Variants in MOXD1 observed in about 807,000 individuals in gnomAD.
MOXD1 encodes the protein DBH-like monooxygenase protein 1.
Under a neutral mutation model 66.6 loss-of-function variants are expected in MOXD1, and 62 were observed. The ratio of observed to expected loss-of-function variants is 0.93; its 90% confidence interval spans 0.76 to 1.15. MOXD1 has a LOEUF of 1.15. Ranked by LOEUF, MOXD1 falls within the 50% of genes most tolerant of loss-of-function variation. MOXD1 has a pLI of 0.00. For synonymous variants in MOXD1, 303 were observed against 281.9 expected (o/e 1.07, Z -0.75); for missense variants, 847 against 754.6 (o/e 1.12, Z -1.44).
At position 132,300,651 on chromosome 6, in the gene MOXD1, A is replaced by G. The variant is rs151185742; in HGVS notation, c.1509-2696T>C. ...AAAAGCTTTGCTGCTATAATAATTT[A>G]CTAAATTGCCTATTATTGAGATTGT... On this transcript the variant is annotated intron_variant, in intron 10 of 11. Coordinates refer to ENST00000367963, the MANE Select transcript of MOXD1 (RefSeq NM_015529.4). 3.0e-3 allele frequency among the ~76,000 whole-genome samples: 451 copies of G among 152,298 alleles called. 1 individual carries two copies. The highest frequency in any genetic ancestry group is 0.01 in the African/African-American group (436 of 41,568).
rs1774467639 is a variant in MOXD1 at position 132,298,843 on chromosome 6, C to A, written c.1509-888G>T. Among the ~76,000 whole-genome samples the A allele has an allele frequency of 2.0e-5, 3 of 152,096 alleles. No homozygotes were observed. In the South Asian group the frequency reaches 6.2e-4, roughly 32 times the overall value. On this transcript the variant is annotated intron_variant, in intron 10 of 11. Transcript: ENST00000367963. Reference sequence around the variant, plus strand: ...TGGTGGGGATGTAAATTAGTTCAGCCAACTGTGGAAGCAGTTTGTAGATTT... The same window carrying A: ...TGGTGGGGATGTAAATTAGTTCAGCAAACTGTGGAAGCAGTTTGTAGATTT...
intron 9 of MOXD1, among the ~76,000 whole-genome samples, chr6:132,318,019 A>C (rs1774995783): frequency 6.6e-6 from 1 of 152,162 alleles, no homozygotes; most frequent in Non-Finnish European, 1.5e-5. Flanking sequence ...ACTCAAGTTA[A>C]TATAGGCAGC....
chr6:132,350,713 A>T (rs1452059711), intron 4 of MOXD1, among the ~76,000 whole-genome samples: 2 of 152,066 alleles, frequency 1.3e-5, no homozygotes, highest in African/African-American at 4.8e-5. Flanking sequence ...ATTGCTTTTG[A>T]CAGTACAGTC....
chr6:132,297,446 A>AAAGGTTT, intron 11 of MOXD1, 129 bp from the exon 12 acceptor site: 2 of 935,650 alleles, frequency 2.1e-6, no homozygotes, highest in South Asian at 3.5e-5. Context: ...GGAGTCACAC[A>AAAGGTTT]CTGGGGGAGT....
chr6:132,339,078 A>G (rs1487955191), intron 4 of MOXD1, among the ~76,000 whole-genome samples: 1 of 152,246 alleles, frequency 6.6e-6, no homozygotes. Flanking sequence ...ATAAATATTA[A>G]TGATATTGCA....
Position 132,386,447 on chromosome 6 carries a change from A to AAC in MOXD1, c.265-11671_265-11670insGT, listed in dbSNP as rs1554238111. Among the ~76,000 whole-genome samples the AAC allele has an allele frequency of 1.6e-3, 203 of 130,338 alleles. 3 individuals are homozygous for AAC. The highest frequency in any genetic ancestry group is 6.5e-3 in the African/African-American group (195 of 30,024). The allele number at this position is 130,338 out of a possible 152,430, so 85.5% of individuals were successfully genotyped here. A position where few individuals can be genotyped will look rare whatever the true frequency, so the allele number is the denominator to read the frequency against. ...ACAAAACAAAACAAAAAAAAAAAAC[A>AAC]AAAAAAAAACGGGAAAAGAGATGAA... On this transcript the variant is annotated intron_variant, in intron 1 of 11. Transcript: ENST00000367963.
chr6:132,349,885 G>A (rs372984414), intron 4 of MOXD1, among the ~76,000 whole-genome samples: 13 of 152,158 alleles, frequency 8.5e-5, no homozygotes, highest in Admixed American at 4.6e-4. Flanking sequence ...GATGTTGAGC[G>A]TTTTTTCAAA....
Position 132,349,483 on chromosome 6 carries a change from A to G in MOXD1, c.664-20889T>C, listed in dbSNP as rs1338682736. ...TATATATACATATATATATATATAC[A>G]TATATATATATACCACAGTTTCTTT... On this transcript the variant is annotated intron_variant, in intron 4 of 11. Transcript: ENST00000367963. 6.3e-4 allele frequency among the ~76,000 whole-genome samples: 14 copies of G among 22,270 alleles called. 2 individuals carry two copies. The highest frequency in any genetic ancestry group is 9.8e-4 in the Non-Finnish European group (11 of 11,196). 14.6% of individuals were successfully genotyped at this position (22,270 alleles called of 152,430 possible).
intron 4 of MOXD1, among the ~76,000 whole-genome samples, chr6:132,331,451 G>A (rs754904625): frequency 6.6e-6 from 1 of 152,024 alleles, no homozygotes; most frequent in African/African-American, 2.4e-5. Context: ...TTGACTTTGG[G>A]GAGCTTCAAA....
chr6:132,297,448 T>C, intron 11 of MOXD1, 131 bp from the exon 12 acceptor site: 1 of 922,174 alleles, frequency 1.1e-6, no homozygotes. Flanking sequence ...AGTCACACAC[T>C]GGGGGAGTCA....
At chr6:132,382,623 G>A (rs970415811) in intron 1 of MOXD1, among the ~76,000 whole-genome samples, 6 of 152,230 alleles carry the variant, frequency 3.9e-5, no homozygotes, top group Admixed American at 6.5e-5. Flanking sequence ...CAGTTGTACC[G>A]TAGACTATTA....
At chr6:132,392,304 A>G (rs1431693784) in intron 1 of MOXD1, 1 of 1,593,282 alleles carries the variant, frequency 6.3e-7, no homozygotes, top group African/African-American at 1.3e-5. Flanking sequence ...GCAAGGCTGT[A>G]AGAAATGATA....
intron 4 of MOXD1, among the ~76,000 whole-genome samples, chr6:132,351,298 A>T (rs117836198): frequency 5.9e-5 from 9 of 152,068 alleles, no homozygotes; most frequent in Non-Finnish European, 1.3e-4. Context: ...GGCTTTTATT[A>T]TATTGAGGTA....
intron 1 of MOXD1, among the ~76,000 whole-genome samples, chr6:132,376,082 T>C (rs1231718415): frequency 6.6e-6 from 1 of 152,194 alleles, no homozygotes; most frequent in Non-Finnish European, 1.5e-5. Context: ...AAAGTATTAA[T>C]TTTTGTCACT....
intron 8 of MOXD1, 51 bp downstream of exon 8, chr6:132,322,628 T>G: frequency 1.3e-6 from 2 of 1,552,384 alleles, no homozygotes; most frequent in East Asian, 4.5e-5. Context: ...TCAGCAGATA[T>G]GTCTCATGAC....
intron 1 of MOXD1, among the ~76,000 whole-genome samples, chr6:132,392,923 G>A (rs1385195952): frequency 6.6e-6 from 1 of 152,216 alleles, no homozygotes; most frequent in Non-Finnish European, 1.5e-5. Flanking sequence ...TAAAGGGCCT[G>A]TGGCCTTAAG....
At chr6:132,323,794 T>G in intron 7 of MOXD1, 137 bp downstream of exon 7, 8 of 948,400 alleles carry the variant, frequency 8.4e-6, no homozygotes, top group Non-Finnish European at 1.0e-5. Context: ...AAAGTCCTAC[T>G]AAAATTGCGA....
At chr6:132,374,375 A>C (rs1348910191) in intron 2 of MOXD1, among the ~76,000 whole-genome samples, 1 of 152,176 alleles carries the variant, frequency 6.6e-6, no homozygotes, top group African/African-American at 2.4e-5. Context: ...TGGCTAAATC[A>C]TACAAATTTT....
At chr6:132,384,271 T>A in intron 1 of MOXD1, among the ~76,000 whole-genome samples, 1 of 99,092 alleles carries the variant, frequency 1.0e-5, no homozygotes, top group South Asian at 4.9e-4. Context: ...CCTTCCTTCC[T>A]TCCTTCCTTC....
Sources: gnomAD v4.1 joint callset for allele counts (sites outside exome capture counted in the v4.1 genomes callset) on GRCh38, gnomAD v4.1.1 for gene constraint, MANE v1.5 for transcripts, NCBI Gene and HGNC (gene_info 2026-07-23, HGNC 2026-07-21) for gene names.